Variants in HSF4 observed in about 807,000 individuals in gnomAD.
HSF4 encodes heat shock transcription factor 4.
A neutral mutation model predicts 52.0 loss-of-function variants in HSF4; 41 were observed. That is an observed-to-expected ratio of 0.79 (90% CI 0.61 to 1.02). The LOEUF (loss-of-function observed/expected upper bound fraction) is 1.02. Ranked by LOEUF, HSF4 falls within the 50% of genes least tolerant of loss-of-function variation. The pLI, the probability that HSF4 is intolerant of heterozygous loss-of-function variation, is 0.00. For synonymous variants in HSF4, 285 were observed against 273.0 expected (o/e 1.04, Z -0.43); for missense variants, 610 against 651.1 (o/e 0.94, Z 0.69).
chr16:67,168,884 C>G lies in HSF4; in HGVS notation c.1136C>G (p.Pro379Arg). 6 of 1,614,052 alleles carry G rather than the reference C, an allele frequency of 3.7e-6. No individual in the cohort carries two copies. The highest frequency in any genetic ancestry group is 5.1e-6 in the Non-Finnish European group (6 of 1,180,040). The part of the protein sequence containing the change: ...GDRSPESLLP[P>R]MLLQPPQESV... ...AGGAGCCCAGAGAGTCTGCTGCCTC[C>G]GATGCTGCTTCAGCCCCCTCAAGAA... Residue 379 changes from proline (P) to arginine (R), a missense_variant, in exon 10 of 13, where the codon CCG (proline) becomes CGG (arginine). Transcript: ENST00000521374.
intron 9 of HSF4, among the ~76,000 whole-genome samples, chr16:67,168,549 G>T (rs1030011369): frequency 2.6e-5 from 4 of 151,136 alleles, no homozygotes; most frequent in South Asian, 2.1e-4. Flanking sequence ...AAGAAATAAA[G>T]AAAGAAGAGA....
Position 67,166,541 on chromosome 16 carries a change from C to T in HSF4, c.562-17C>T. ...GCTGTGTCCAAAGTATGAATTAAAC[C>T]TTTGCTTTCTCTTCAGCTGATCCAG... On this transcript the variant is annotated splice_polypyrimidine_tract_variant and intron_variant, in intron 5 of 12. Transcript: ENST00000521374. 6.2e-7 allele frequency: 1 copy of T among 1,613,796 alleles called. No individual in the cohort carries two copies. The highest frequency in any genetic ancestry group is 2.2e-5 in the East Asian group (1 of 44,876).
intron 8 of HSF4, 24 bp downstream of exon 8, chr16:67,167,623 G>A (rs1052510224): frequency 1.9e-6 from 3 of 1,612,540 alleles, no homozygotes; most frequent in African/African-American, 2.7e-5. Flanking sequence ...GGCTGCCCCT[G>A]AGGGGCCTGT....
Position 67,167,784 on chromosome 16 carries a change from C to G in HSF4, c.919C>G (p.Leu307Val), listed in dbSNP as rs745599409. The G allele has an allele frequency of 8.8e-6, 14 of 1,599,632 alleles. No individual in the cohort carries two copies. The highest frequency in any genetic ancestry group is 1.1e-5 in the South Asian group (1 of 89,666). The stretch of plus-strand genomic sequence containing the variant: ...TCCAGGGGGGGATGGCGAGGCCGGG[C>G]TGGCCCTGGCCCCAAACGAGTGTGA... ...ASPGGDGEAG[L>V]ALAPNECDFC... Residue 307 changes from leucine (L) to valine (V), a missense_variant, in exon 9 of 13, where the codon CTG (leucine) becomes GTG (valine). By Grantham distance (32) the Leu-to-Val change is conservative. Coordinates refer to ENST00000521374, the MANE Select transcript of HSF4 (RefSeq NM_001374675.1).
intron 6 of HSF4, 118 bp downstream of exon 6, chr16:67,166,740 CGCTACAG>C (rs2031333196): frequency 1.0e-6 from 1 of 953,606 alleles, no homozygotes; most frequent in Non-Finnish European, 1.6e-6. Context: ...CCTCCCCCTG[CGCTACAG>C]GCTTCCTCAC....
chr16:67,164,958 C>A, intron 1 of HSF4, 24 bp downstream of exon 1: 2 of 1,582,538 alleles, frequency 1.3e-6, no homozygotes, highest in African/African-American at 1.4e-5. Context: ...CCCCTCGATT[C>A]CCCCTGTGGT....
upstream of HSF4, chr16:67,163,799 G>A: frequency 1.3e-6 from 2 of 1,563,246 alleles, no homozygotes; most frequent in Non-Finnish European, 1.7e-6. Context: ...CGCATCCCTG[G>A]AGGCCTACGC....
chr16:67,164,023 C>A, upstream of HSF4: 1 of 761,780 alleles, frequency 1.3e-6, no homozygotes, highest in Non-Finnish European at 2.3e-6. Flanking sequence ...CTGCAGACGC[C>A]CCACCCGCTC....
Position 67,168,790 on chromosome 16 carries a change from G to A in HSF4, c.1083-41G>A, listed in dbSNP as rs371838761. On this transcript the variant is annotated intron_variant, in intron 9 of 12. Coordinates refer to ENST00000521374, the MANE Select transcript of HSF4 (RefSeq NM_001374675.1). The stretch of plus-strand genomic sequence containing the variant: ...TCTGGGTTCCTTGGGAACTTAATGC[G>A]GGGTGGACACTGCAGGCCAAAAGCA... 4.1e-5 allele frequency: 61 copies of A among 1,470,676 alleles called. 1 individual carries two copies. In the East Asian group the frequency reaches 8.1e-4, roughly 20 times the overall value. 91.1% of individuals were successfully genotyped at this position (1,470,676 alleles called of 1,614,324 possible). A position where few individuals can be genotyped will look rare whatever the true frequency, so the allele number is the denominator to read the frequency against.
rs781456673 is a variant in HSF4, at chr16:67,169,684, G to C, written c.1378G>C (p.Gly460Arg). The change falls in exon 13 of 13, where the codon GGA becomes CGA. Residue 460 changes from glycine (G) to arginine (R), a missense_variant. Transcript: ENST00000521374. The surrounding 1 kb of genome is among the most constrained non-coding windows in gnomAD (Gnocchi z 4.3). ...PLLLDVQAAL[G>R]GPALGLPGAL... ...CCTGCTGGATGTCCAGGCGGCCTTGGGAGGCCCAGCCCTGGGCCTGCCTGG... is the reference window on the plus strand; with the variant it reads ...CCTGCTGGATGTCCAGGCGGCCTTGCGAGGCCCAGCCCTGGGCCTGCCTGG... 8 of 1,612,494 alleles carry C rather than the reference G, an allele frequency of 5.0e-6. No individual in the cohort carries two copies. In the South Asian group the frequency reaches 6.6e-5, roughly 13 times the overall value.
In HSF4 at chr16:67,165,255, G is replaced by A. The variant is rs1375056668; in HGVS notation, c.124-267G>A. ...GTCTAGCTCAGGGTCACATTGCGGG[G>A]CTGGGAACCCCGTCAGCCTCTCCTT... On this transcript the variant is annotated intron_variant, in intron 1 of 12. Transcript: ENST00000521374. The surrounding 1 kb of genome is among the most constrained non-coding windows in gnomAD (Gnocchi z 6.9). 3.4e-6 allele frequency: 2 copies of A among 595,994 alleles called. No homozygotes were observed. Among genetic ancestry groups the A allele is most frequent in the Non-Finnish European group, 6.0e-6 (2 of 335,066 alleles). The allele number at this position is 595,994 out of a possible 1,614,324, so 36.9% of individuals were successfully genotyped here.
At position 67,168,709 on chromosome 16, in the gene HSF4, G is replaced by T. The variant is rs938070319; in HGVS notation, c.1083-122G>T. The T allele has an allele frequency of 3.9e-6, 3 of 777,862 alleles. No homozygotes were observed. In the East Asian group the frequency reaches 7.4e-5, roughly 19 times the overall value. 48.2% of individuals were successfully genotyped at this position (777,862 alleles called of 1,614,324 possible). On this transcript the variant is annotated intron_variant, in intron 9 of 12. Coordinates refer to ENST00000521374, the MANE Select transcript of HSF4 (RefSeq NM_001374675.1). ...GTGGGGAGGTTGGGGGTGGAGAGAG[G>T]ATGGGGATCCTCTCCTATCATTTTC...
chr16:67,169,128 G>A lies in HSF4; in HGVS notation c.1254+27G>A. The A allele has an allele frequency of 6.2e-7, 1 of 1,609,690 alleles. No homozygotes were observed. On this transcript the variant is annotated intron_variant, in intron 11 of 12. Coordinates refer to ENST00000521374, the MANE Select transcript of HSF4 (RefSeq NM_001374675.1). This position sits in a 1 kb window ranked among gnomAD's most constrained non-coding sequence, Gnocchi z 4.3. ...TAAGAAGTGGGTCGGGGAGGGCAGA[G>A]GCCAGGGGTGGCTGAGTCAAGCCCT...
At chr16:67,167,317 A>G (rs1474262243) in intron 7 of HSF4, 95 bp downstream of exon 7, 33 of 1,608,952 alleles carry the variant, frequency 2.1e-5, no homozygotes, top group Non-Finnish European at 2.5e-5. Flanking sequence ...AGAAGATGGA[A>G]GCCAGCCTTC....
In HSF4 at chr16:67,166,079, G is replaced by T; in HGVS notation, c.485+9G>T. On this transcript the variant is annotated intron_variant, in intron 4 of 12. Coordinates refer to ENST00000521374, the MANE Select transcript of HSF4 (RefSeq NM_001374675.1). Reference sequence around the variant, plus strand: ...CTGCGGGAGCTCAGGCAGTGCGGGGGCGGGCGGGGAAAGAGGGGACAGGGG... The same window carrying T: ...CTGCGGGAGCTCAGGCAGTGCGGGGTCGGGCGGGGAAAGAGGGGACAGGGG... 1 of 1,531,370 alleles carries T rather than the reference G, an allele frequency of 6.5e-7. No individual in the cohort carries two copies. Among genetic ancestry groups the T allele is most frequent in the Non-Finnish European group, 8.7e-7 (1 of 1,145,140 alleles). 94.9% of individuals were successfully genotyped at this position (1,531,370 alleles called of 1,614,324 possible).
Position 67,166,044 on chromosome 16 carries a change from C to G in HSF4, c.459C>G (p.Thr153=), listed in dbSNP as rs1213080510. 5.7e-6 allele frequency: 8 copies of G among 1,408,170 alleles called. No homozygotes were observed. In the African/African-American group the frequency reaches 9.2e-5, roughly 16 times the overall value. 87.2% of individuals were successfully genotyped at this position (1,408,170 alleles called of 1,614,324 possible). Residue 153 remains threonine (T), a synonymous_variant, in exon 4 of 13, where the codon ACC becomes ACG. Coordinates refer to ENST00000521374, the MANE Select transcript of HSF4 (RefSeq NM_001374675.1). The stretch of plus-strand genomic sequence containing the variant: ...CTTTGCGGGGAGTGCAGGAGAGCAC[C>G]GAGGCGCGGCTGCGGGAGCTCAGGC... The part of the protein sequence containing the change: ...VQALRGVQES[T]EARLRELRQQ...
upstream of HSF4, chr16:67,163,954 A>C (rs1597235483): frequency 7.4e-7 from 1 of 1,352,862 alleles, no homozygotes; most frequent in African/African-American, 1.5e-5. Context: ...CGAGTTGGGA[A>C]CTGTGATGGC....
rs748471006 is a variant in HSF4 at position 67,167,281 on chromosome 16, C to T, written c.729+59C>T. Reference sequence around the variant, plus strand: ...TGGCTGGGCTTATGGAGAGCCTGTTCCTTCTCCCCATCCCCTAAAAGGAAG... The same window carrying T: ...TGGCTGGGCTTATGGAGAGCCTGTTTCTTCTCCCCATCCCCTAAAAGGAAG... On this transcript the variant is annotated intron_variant, in intron 7 of 12. Transcript: ENST00000521374. 5.9e-5 allele frequency: 95 copies of T among 1,612,230 alleles called. No homozygotes were observed. In the South Asian group the frequency reaches 1.0e-3, roughly 17 times the overall value.
intron 5 of HSF4, 60 bp downstream of exon 5, chr16:67,166,455 C>G (rs895523534): frequency 1.3e-6 from 2 of 1,592,518 alleles, no homozygotes; most frequent in African/African-American, 2.7e-5. Flanking sequence ...ATTCCACCGC[C>G]CAGTCCCCCG....
Sources: gnomAD v4.1 joint callset for allele counts (sites outside exome capture counted in the v4.1 genomes callset) on GRCh38, gnomAD v4.1.1 for gene constraint, Gnocchi (gnomAD v3.1) non-coding constraint, MANE v1.5 for transcripts, NCBI Gene and HGNC (gene_info 2026-07-23, HGNC 2026-07-21) for gene names.